MGAT5: variants seen among roughly 807,000 people sequenced by gnomAD.
The protein encoded by MGAT5 is alpha-1,6-mannosylglycoprotein 6-beta-N-acetylglucosaminyltransferase.
In MGAT5, 30 loss-of-function variants were observed where a neutral mutation model predicts 94.3. The ratio of observed to expected loss-of-function variants is 0.32; its 90% CI spans 0.24 to 0.43. The LOEUF (loss-of-function observed/expected upper bound fraction) is 0.43. Ranked by LOEUF, MGAT5 falls within the 20% of genes least tolerant of loss-of-function variation. The probability of loss-of-function intolerance (pLI) is 1.00; values close to 1 mark genes in which losing one functional copy is unlikely to be tolerated. For missense variants in MGAT5, 691 were observed against 905.5 expected (o/e 0.76, Z 3.04); for synonymous variants, 310 against 322.9 (o/e 0.96, Z 0.43).
chr2:134,301,162 G>A (rs2043872), intron 2 of MGAT5, among the ~76,000 whole-genome samples: 22,851 of 152,034 alleles, frequency 0.15, 1,915 homozygotes, highest in South Asian at 0.3. Context: ...TCAGCATAGC[G>A]TTTTCAAGAT....
At chr2:134,199,800 T>TC (rs897139721) in intron 1 of MGAT5, among the ~76,000 whole-genome samples, 1 of 152,142 alleles carries the variant, frequency 6.6e-6, no homozygotes, top group Non-Finnish European at 1.5e-5. Context: ...TGGGAAATGC[T>TC]CCCCCTGCAT....
chr2:134,182,898 T>G (rs1382206460), intron 1 of MGAT5, among the ~76,000 whole-genome samples: 1 of 151,436 alleles, frequency 6.6e-6, no homozygotes, highest in Non-Finnish European at 1.5e-5. Context: ...GCCATTCTCT[T>G]GCCTCAGCCT....
intron 9 of MGAT5, among the ~76,000 whole-genome samples, chr2:134,350,970 C>T (rs1459941366): frequency 3.3e-5 from 5 of 152,098 alleles, no homozygotes; most frequent in East Asian, 1.9e-4. Flanking sequence ...CCCCCTTGTA[C>T]ACAGCTACCT....
intron 1 of MGAT5, among the ~76,000 whole-genome samples, chr2:134,266,356 G>A (rs1177301434): frequency 1.3e-5 from 2 of 151,976 alleles, no homozygotes; most frequent in African/African-American, 4.8e-5. Flanking sequence ...GAGTAGTTGG[G>A]ACTACAGGCA....
intron 1 of MGAT5, among the ~76,000 whole-genome samples, chr2:134,128,509 G>A (rs1235090572): frequency 6.6e-6 from 1 of 151,990 alleles, no homozygotes; most frequent in African/African-American, 2.4e-5. Flanking sequence ...CTATGATAGT[G>A]CCTTTTCTCT....
chr2:134,307,689 C>T (rs1686415744), intron 2 of MGAT5, among the ~76,000 whole-genome samples: 1 of 152,132 alleles, frequency 6.6e-6, no homozygotes, highest in Admixed American at 6.6e-5. Flanking sequence ...CCTGTGCCCT[C>T]TCAGACAGAG....
At position 134,370,894 on chromosome 2, in the gene MGAT5, ATGTGGCATCCCC is replaced by A. The variant is rs1680750943; in HGVS notation, c.1380+8491_1380+8502del. Among the ~76,000 whole-genome samples, 3 of 152,350 alleles carry A rather than the reference ATGTGGCATCCCC, an allele frequency of 2.0e-5. No homozygotes were observed. The East Asian group carries it at 5.8e-4, about 29-fold the overall frequency. Reference sequence around the variant, plus strand: ...TGCATGCTGACTATAACATAACCCCATGTGGCATCCCCTGTGTAAGCGTGTCAGTGTTTGCTA... The same window carrying A: ...TGCATGCTGACTATAACATAACCCCATGTGTAAGCGTGTCAGTGTTTGCTA... On this transcript the variant is annotated intron_variant, in intron 10 of 15. Coordinates refer to ENST00000281923, the MANE Select transcript of MGAT5 (RefSeq NM_002410.5).
chr2:134,197,395 A>G lies in MGAT5; in HGVS notation c.-142-56867A>G, dbSNP rs569692512. Reference sequence around the variant, plus strand: ...TATGAGAGAGTCTGGTAGAAAATTCAATTCAAAAGGTCGGTTGAGACATTG... The same window carrying G: ...TATGAGAGAGTCTGGTAGAAAATTCGATTCAAAAGGTCGGTTGAGACATTG... On this transcript the variant is annotated intron_variant, in intron 1 of 16. Transcript: ENST00000409645. 7.4e-4 allele frequency among the ~76,000 whole-genome samples: 112 copies of G among 152,352 alleles called. 1 individual carries two copies. The highest frequency in any genetic ancestry group is 2.5e-3 in the African/African-American group (105 of 41,590).
chr2:134,317,887 G>A (rs1687090635), intron 3 of MGAT5, among the ~76,000 whole-genome samples: 1 of 152,118 alleles, frequency 6.6e-6, no homozygotes, highest in African/African-American at 2.4e-5. Context: ...TCCCCTCTCT[G>A]TTTCCCAGCC....
chr2:134,276,202 C>T (rs1018388199), intron 2 of MGAT5, among the ~76,000 whole-genome samples: 2 of 136,968 alleles, frequency 1.5e-5, no homozygotes, highest in Non-Finnish European at 3.1e-5. Context: ...TTTAGCTTTG[C>T]CACTGGTCTT....
chr2:134,305,947 T>C (rs930181155), intron 2 of MGAT5, among the ~76,000 whole-genome samples: 4 of 152,222 alleles, frequency 2.6e-5, no homozygotes, highest in African/African-American at 9.6e-5. Context: ...TCTCAGTATA[T>C]TTTCTTAAAT....
intron 1 of MGAT5, among the ~76,000 whole-genome samples, chr2:134,235,203 C>G (rs560462860): frequency 2.6e-5 from 4 of 152,128 alleles, no homozygotes; most frequent in African/African-American, 4.8e-5. Context: ...CTGCCATGCT[C>G]CCCGACCTCA....
intron 4 of MGAT5, among the ~76,000 whole-genome samples, chr2:134,331,053 C>G (rs181455954): frequency 1.3e-5 from 2 of 152,212 alleles, no homozygotes; most frequent in African/African-American, 4.8e-5. Context: ...TATCTGCCAG[C>G]AACTTTTTTC....
chr2:134,188,033 C>T (rs184910275), intron 1 of MGAT5, among the ~76,000 whole-genome samples: 1,562 of 152,290 alleles, frequency 0.01, 15 homozygotes, highest in South Asian at 0.019. Flanking sequence ...CACTTTTATT[C>T]ACATCCAGTA....
chr2:134,318,304 T>C, intron 3 of MGAT5, among the ~76,000 whole-genome samples: 1 of 152,162 alleles, frequency 6.6e-6, no homozygotes, highest in East Asian at 1.9e-4. Flanking sequence ...CTGGAGTTCC[T>C]GGAGGGGGTG....
intron 2 of MGAT5, among the ~76,000 whole-genome samples, chr2:134,285,054 T>G (rs568424712): frequency 6.6e-6 from 1 of 152,338 alleles, no homozygotes; most frequent in East Asian, 1.9e-4. Context: ...ATTTTCTTCT[T>G]TACCGTTATA....
At chr2:134,164,243 T>G (rs904564577) in intron 1 of MGAT5, among the ~76,000 whole-genome samples, 2 of 152,200 alleles carry the variant, frequency 1.3e-5, no homozygotes, top group African/African-American at 4.8e-5. Context: ...CTGAGGCTGT[T>G]TTCTAGCCTG....
chr2:134,230,825 AACACACAC>A (rs58303257), intron 1 of MGAT5, among the ~76,000 whole-genome samples: 36 of 150,890 alleles, frequency 2.4e-4, no homozygotes, highest in Admixed American at 1.1e-3. Flanking sequence ...GGGGAATGAA[AACACACAC>A]ACACACACAC....
intron 13 of MGAT5, among the ~76,000 whole-genome samples, 200 bp from the exon 14 acceptor site, chr2:134,428,165 C>G (rs1257937046): frequency 6.6e-6 from 1 of 152,194 alleles, no homozygotes; most frequent in Non-Finnish European, 1.5e-5. Flanking sequence ...GAACCTGAGA[C>G]TTAGAGATGG....
Sources: gnomAD v4.1 joint callset for allele counts (sites outside exome capture counted in the v4.1 genomes callset) on GRCh38, gnomAD v4.1.1 for gene constraint, MANE v1.5 for transcripts, NCBI Gene and HGNC (gene_info 2026-07-23, HGNC 2026-07-21) for gene names.